Variants in S100Z observed in about 807,000 individuals in gnomAD.
S100Z encodes S100 calcium binding protein Z.
S100Z carries 11 observed loss-of-function variants against 8.5 expected under a neutral mutation model. That is an observed-to-expected ratio of 1.30 (90% CI 0.82 to 2.15). The LOEUF (loss-of-function observed/expected upper bound fraction) is 2.15, where lower values mean the gene tolerates loss of function less well. Among genes scored for constraint, S100Z ranks in the 30% most tolerant of loss-of-function variants. The pLI is 0.00. For missense variants in S100Z, 126 were observed against 117.9 expected, an observed-to-expected ratio of 1.07 and a Z score of -0.32; for synonymous variants, 34 against 43.8, an observed-to-expected ratio of 0.78 and a Z score of 0.89.
At chr5:76,873,311 ATTTTTT>A (rs1355914184) in intron 2 of S100Z, among the ~76,000 whole-genome samples, 1 of 134,680 alleles carries the variant, frequency 7.4e-6, no homozygotes, top group East Asian at 2.1e-4. Context: ...AAAACTAACA[ATTTTTT>A]TTTTTTTTTT....
chr5:76,854,332 G>C (rs1463752415), intron 1 of S100Z, among the ~76,000 whole-genome samples: 1 of 152,192 alleles, frequency 6.6e-6, no homozygotes, highest in Non-Finnish European at 1.5e-5. Context: ...GAACTTCCTA[G>C]AGACTTGTTG....
chr5:76,921,631 A>G lies in S100Z; in HGVS notation c.*917A>G, dbSNP rs1485019708. The G allele has an allele frequency of 1.3e-5, 2 of 152,238 alleles. No homozygotes were observed. Among genetic ancestry groups the G allele is most frequent in the African/African-American group, 4.8e-5 (2 of 41,464 alleles). The allele number at this position is 152,238 out of a possible 1,614,324, so 9.4% of individuals were successfully genotyped here. On this transcript the variant is annotated 3_prime_UTR_variant, in exon 5 of 5. Coordinates refer to ENST00000317593, the MANE Select transcript of S100Z (RefSeq NM_130772.4). ...TTTTAAAAGGAAATGATTACAATAA[A>G]TACCCAGAGTCAACAATTATCAAGT...
intron 1 of S100Z, among the ~76,000 whole-genome samples, chr5:76,852,159 G>C (rs193020636): frequency 6.6e-6 from 1 of 152,004 alleles, no homozygotes; most frequent in African/African-American, 2.4e-5. Context: ...GGGAGAGCAC[G>C]GGCTCTCCAA....
chr5:76,873,544 G>C (rs1172038014), intron 2 of S100Z, among the ~76,000 whole-genome samples: 1 of 152,086 alleles, frequency 6.6e-6, no homozygotes, highest in African/African-American at 2.4e-5. Context: ...CTGACCTCAA[G>C]TGATCTGCCT....
At chr5:76,895,377 A>G (rs944539567) in intron 4 of S100Z, among the ~76,000 whole-genome samples, 2 of 152,160 alleles carry the variant, frequency 1.3e-5, no homozygotes, top group African/African-American at 4.8e-5. Flanking sequence ...GTTATTGCCA[A>G]ACATCCCTAT....
chr5:76,857,497 C>T (rs1203405236), intron 1 of S100Z, among the ~76,000 whole-genome samples: 2 of 148,554 alleles, frequency 1.3e-5, no homozygotes, highest in African/African-American at 5.0e-5. Flanking sequence ...GTCCTGCCCC[C>T]ATTTTTTTTT....
chr5:76,896,029 A>C (rs1744026262), intron 4 of S100Z, among the ~76,000 whole-genome samples: 2 of 151,858 alleles, frequency 1.3e-5, no homozygotes, highest in Non-Finnish European at 2.9e-5. Context: ...TCTTAAGGTG[A>C]CGGATTACAG....
At chr5:76,919,143 T>C (rs1744954804) in intron 4 of S100Z, among the ~76,000 whole-genome samples, 1 of 152,238 alleles carries the variant, frequency 6.6e-6, no homozygotes, top group Non-Finnish European at 1.5e-5. Context: ...ATAAAGTTGC[T>C]ATAAACAGTC....
intron 4 of S100Z, among the ~76,000 whole-genome samples, chr5:76,903,780 C>A (rs1469976640): frequency 1.3e-5 from 2 of 150,570 alleles, no homozygotes; most frequent in Non-Finnish European, 2.9e-5. Context: ...GGCTGGAGTG[C>A]AGTGGCACAA....
chr5:76,857,980 A>G (rs1750932148), intron 1 of S100Z, among the ~76,000 whole-genome samples: 1 of 152,236 alleles, frequency 6.6e-6, no homozygotes, highest in Admixed American at 6.5e-5. Flanking sequence ...GCTTCTGGGA[A>G]GTTTTTATTT....
intron 1 of S100Z, among the ~76,000 whole-genome samples, chr5:76,864,793 C>T (rs189217308): frequency 1.3e-5 from 2 of 152,316 alleles, no homozygotes; most frequent in Admixed American, 6.5e-5. Flanking sequence ...GCTGCAACCT[C>T]TGCCTCCCGG....
At chr5:76,897,682 C>T (rs1651380792) in intron 4 of S100Z, among the ~76,000 whole-genome samples, 1 of 152,006 alleles carries the variant, frequency 6.6e-6, no homozygotes, top group South Asian at 2.1e-4. Flanking sequence ...GTTTTCATTA[C>T]AGAGATCTTT....
chr5:76,856,842 A>G (rs939398281), intron 1 of S100Z, among the ~76,000 whole-genome samples: 1 of 152,232 alleles, frequency 6.6e-6, no homozygotes, highest in African/African-American at 2.4e-5. Context: ...AATTTAATTT[A>G]TAGGTAAAAC....
chr5:76,850,770 T>G (rs1750705617), intron 1 of S100Z, among the ~76,000 whole-genome samples: 1 of 152,180 alleles, frequency 6.6e-6, no homozygotes, highest in Non-Finnish European at 1.5e-5. Flanking sequence ...GGGGAGAAGT[T>G]GGTGAGAGGA....
intron 4 of S100Z, among the ~76,000 whole-genome samples, chr5:76,915,393 G>A (rs1744822533): frequency 1.3e-5 from 2 of 151,268 alleles, no homozygotes; most frequent in South Asian, 2.1e-4. Context: ...CACCAGGTCA[G>A]GAGATCAAGA....
At chr5:76,879,488 G>C (rs1228270745) in intron 4 of S100Z, among the ~76,000 whole-genome samples, 1 of 152,208 alleles carries the variant, frequency 6.6e-6, no homozygotes, top group African/African-American at 2.4e-5. Context: ...ACTTTGGTGT[G>C]AAGGCATGTG....
chr5:76,854,392 C>A (rs182388037), intron 1 of S100Z, among the ~76,000 whole-genome samples: 1 of 152,054 alleles, frequency 6.6e-6, no homozygotes, highest in Non-Finnish European at 1.5e-5. Flanking sequence ...GAAGGCCAGG[C>A]GGAGATGAGG....
At chr5:76,865,526 C>T (rs1403834968) in intron 1 of S100Z, among the ~76,000 whole-genome samples, 2 of 150,012 alleles carry the variant, frequency 1.3e-5, no homozygotes, top group African/African-American at 2.4e-5. Flanking sequence ...GGATTACAGG[C>T]GTGAGCCACT....
intron 1 of S100Z, among the ~76,000 whole-genome samples, chr5:76,868,038 C>T (rs1385553147): frequency 1.3e-5 from 2 of 152,196 alleles, no homozygotes; most frequent in Admixed American, 1.3e-4. Flanking sequence ...TAGGATAACC[C>T]TCTGTGCTAT....
Sources: gnomAD v4.1 joint callset for allele counts (sites outside exome capture counted in the v4.1 genomes callset) on GRCh38, gnomAD v4.1.1 for gene constraint, MANE v1.5 for transcripts, NCBI Gene and HGNC (gene_info 2026-07-23, HGNC 2026-07-21) for gene names.